Variants in COG2 observed in about 807,000 individuals in gnomAD.
COG2 encodes the protein conserved oligomeric Golgi complex subunit 2.
A neutral mutation model predicts 90.6 loss-of-function variants in COG2; 52 were observed. That is an observed-to-expected ratio of 0.57 (90% CI 0.46 to 0.72). COG2 has a LOEUF of 0.72. Among genes scored for constraint, COG2 ranks in the 30% least tolerant of loss-of-function variants. COG2 has a pLI of 0.00. For missense variants in COG2, 829 were observed against 891.2 expected (o/e 0.93, Z 0.89); for synonymous variants, 337 against 320.4 (o/e 1.05, Z -0.55).
intron 15 of COG2, 112 bp downstream of exon 15, chr1:230,688,674 G>A: frequency 8.3e-7 from 1 of 1,199,114 alleles, no homozygotes; most frequent in Non-Finnish European, 1.2e-6. Context: ...GAGACAGACT[G>A]AGCTCATCCC....
intron 10 of COG2, 62 bp from the exon 11 acceptor site, chr1:230,683,512 G>T (rs1366267618): frequency 3.9e-6 from 5 of 1,277,974 alleles, no homozygotes; most frequent in Admixed American, 3.4e-5. Flanking sequence ...AACAGAGAAT[G>T]GATAGGGAAA....
At chr1:230,668,065 A>T (rs1382318910) in intron 5 of COG2, among the ~76,000 whole-genome samples, 2 of 152,202 alleles carry the variant, frequency 1.3e-5, no homozygotes, top group Non-Finnish European at 2.9e-5. Flanking sequence ...TACTATTTAA[A>T]TTTAAAATAA....
In COG2 at chr1:230,690,007, A is replaced by T. The variant is rs751906459; in HGVS notation, c.1795-7A>T. 1 of 1,575,594 alleles carries T rather than the reference A, an allele frequency of 6.3e-7. No individual in the cohort carries two copies. The highest frequency in any genetic ancestry group is 2.3e-5 in the East Asian group (1 of 43,356). On this transcript the variant is annotated splice_region_variant and splice_polypyrimidine_tract_variant and intron_variant, in intron 15 of 17. Coordinates refer to ENST00000366669, the MANE Select transcript of COG2 (RefSeq NM_007357.3). ...TGCATCTTTATCTCCTACCATCATCATTCCAGGAGGTCCCAACCACAGCTT... is the reference window on the plus strand; with the variant it reads ...TGCATCTTTATCTCCTACCATCATCTTTCCAGGAGGTCCCAACCACAGCTT...
chr1:230,673,557 A>G (rs1336380584), intron 8 of COG2, among the ~76,000 whole-genome samples: 1 of 152,204 alleles, frequency 6.6e-6, no homozygotes, highest in Non-Finnish European at 1.5e-5. Flanking sequence ...TTAGACATTA[A>G]CTTTGGGAAT....
At chr1:230,648,890 A>AT (rs1661849133) in intron 1 of COG2, among the ~76,000 whole-genome samples, 2 of 152,200 alleles carry the variant, frequency 1.3e-5, no homozygotes, top group Admixed American at 1.3e-4. Context: ...AGCTCAAGAA[A>AT]TTAAGTTGAG....
intron 1 of COG2, among the ~76,000 whole-genome samples, chr1:230,657,346 A>G (rs753694862): frequency 1.4e-4 from 21 of 152,200 alleles, no homozygotes; most frequent in Non-Finnish European, 2.8e-4. Flanking sequence ...GCTGGATATG[A>G]AATTCTGGGT....
rs1387430074 is a variant in COG2 at position 230,653,654 on chromosome 1, A to G, written c.73-5810A>G. Among the ~76,000 whole-genome samples, 2 of 94,800 alleles carry G rather than the reference A, an allele frequency of 2.1e-5. 1 individual carries two copies. The highest frequency in any genetic ancestry group is 8.2e-4 in the South Asian group (2 of 2,432). 62.2% of individuals were successfully genotyped at this position (94,800 alleles called of 152,430 possible). A position where few individuals can be genotyped will look rare whatever the true frequency, so the allele number is the denominator to read the frequency against. On this transcript the variant is annotated intron_variant, in intron 1 of 17. Coordinates refer to ENST00000366669, the MANE Select transcript of COG2 (RefSeq NM_007357.3). ...AGTGGGTATCTAATGTTGTGCTGCT[A>G]AAACAGAATACTTGGGACTGGATAA...
intron 6 of COG2, 27 bp from the exon 7 acceptor site, chr1:230,669,329 T>G (rs1374574787): frequency 6.3e-7 from 1 of 1,585,004 alleles, no homozygotes. Flanking sequence ...TAGAGCTTTT[T>G]TTTTATTTAC....
intron 6 of COG2, chr1:230,669,063 T>G: frequency 2.2e-6 from 1 of 453,872 alleles, no homozygotes; most frequent in Non-Finnish European, 3.9e-6. Flanking sequence ...TCCAAAGCCC[T>G]TAATTGGATT....
rs1213801398 is a variant in COG2 at position 230,691,449 on chromosome 1, T to C, written c.2000T>C (p.Leu667Pro). Reference sequence around the variant, plus strand: ...AAGATGGAAGAGAGCCTGAAAAGGCTGAAACAAGCCAGAAAAACCACTCCC... The same window carrying C: ...AAGATGGAAGAGAGCCTGAAAAGGCCGAAACAAGCCAGAAAAACCACTCCC... ...VKKMEESLKRLKQARKTTPAN... is the reference protein window; with the variant it reads ...VKKMEESLKRPKQARKTTPAN... Residue 667 changes from leucine to proline, a missense_variant, in exon 17 of 18, where the codon CTG becomes CCG. Physicochemically the swap from Leu to Pro is moderately conservative, Grantham distance 98. Coordinates refer to ENST00000366669, the MANE Select transcript of COG2 (RefSeq NM_007357.3). 6.2e-7 allele frequency: 1 copy of C among 1,614,108 alleles called. No individual in the cohort carries two copies.
Position 230,690,039 on chromosome 1 carries a change from A to C in COG2, c.1820A>C (p.Tyr607Ser). 6.2e-7 allele frequency: 1 copy of C among 1,609,742 alleles called. No individual in the cohort carries two copies. The highest frequency in any genetic ancestry group is 2.2e-5 in the East Asian group (1 of 44,578). Residue 607 changes from tyrosine to serine, a missense_variant, in exon 16 of 18, where the codon TAT becomes TCT. Transcript: ENST00000366669. ...GAGGTCCCAACCACAGCTTCCTCCT[A>C]TGTGGACAGTGCTCTGAAGCCCTTA... Reference protein sequence around the residue: ...NKEVPTTASSYVDSALKPLFQ... With the variant: ...NKEVPTTASSSVDSALKPLFQ...
chr1:230,647,684 A>G (rs780407609), intron 1 of COG2, among the ~76,000 whole-genome samples: 9 of 152,206 alleles, frequency 5.9e-5, no homozygotes, highest in Non-Finnish European at 1.3e-4. Context: ...CAAAATCTGC[A>G]AATGCTCAAG....
rs758220983 is a variant in COG2 at position 230,693,336 on chromosome 1, A to G, written c.2160A>G (p.Ser720=). 10 of 1,613,782 alleles carry G rather than the reference A, an allele frequency of 6.2e-6. No homozygotes were observed. In the East Asian group the frequency reaches 1.6e-4, roughly 25 times the overall value. Residue 720 remains serine (S), a synonymous_variant, in exon 18 of 18, where the codon TCA becomes TCG. Coordinates refer to ENST00000366669, the MANE Select transcript of COG2 (RefSeq NM_007357.3). The part of the protein sequence containing the change: ...GLQASDIKSF[S]ALAELVAAAK... ...AAGCAAGTGACATAAAAAGCTTCTC[A>G]GCTCTCGCAGAGCTTGTTGCTGCTG...
At chr1:230,684,075 A>G (rs574698151) in intron 11 of COG2, among the ~76,000 whole-genome samples, 2 of 152,256 alleles carry the variant, frequency 1.3e-5, no homozygotes, top group African/African-American at 4.8e-5. Context: ...TACAGGCATG[A>G]GCCACCACAC....
intron 1 of COG2, among the ~76,000 whole-genome samples, chr1:230,645,985 G>A (rs1404781698): frequency 1.3e-5 from 2 of 152,116 alleles, no homozygotes; most frequent in East Asian, 1.9e-4. Flanking sequence ...AGTTGGGGAC[G>A]CTGGTGTAGG....
chr1:230,646,747 C>G (rs756507595), intron 1 of COG2, among the ~76,000 whole-genome samples: 3 of 152,074 alleles, frequency 2.0e-5, no homozygotes, highest in Non-Finnish European at 4.4e-5. Context: ...CTGGTATTAC[C>G]TATCTCAGGT....
chr1:230,682,401 C>T (rs2102768916), intron 10 of COG2: 1 of 152,458 alleles, frequency 6.6e-6, no homozygotes, highest in East Asian at 1.9e-4. Flanking sequence ...TCTCTTATCC[C>T]ACTTTTCCAT....
rs61828618 is a variant in COG2, at chr1:230,689,754, C to T, written c.1795-260C>T. On this transcript the variant is annotated intron_variant, in intron 15 of 17. Transcript: ENST00000366669. Reference sequence around the variant, plus strand: ...AGTGCCCTAGTTTCGGTGCCCTGAGCGGTGGGTGGCTGTGCCAGCCAGCAC... The same window carrying T: ...AGTGCCCTAGTTTCGGTGCCCTGAGTGGTGGGTGGCTGTGCCAGCCAGCAC... Among the ~76,000 whole-genome samples the T allele has an allele frequency of 0.14, 22,018 of 152,232 alleles. 1,815 individuals are homozygous for T. The highest frequency in any genetic ancestry group is 0.19 in the Non-Finnish European group (12,963 of 68,008).
chr1:230,674,258 A>G (rs906621087), intron 8 of COG2, among the ~76,000 whole-genome samples: 1 of 152,362 alleles, frequency 6.6e-6, no homozygotes, highest in Non-Finnish European at 1.5e-5. Flanking sequence ...TATGATCATC[A>G]CCATTTTAAA....
Sources: gnomAD v4.1 joint callset for allele counts (sites outside exome capture counted in the v4.1 genomes callset) on GRCh38, gnomAD v4.1.1 for gene constraint, MANE v1.5 for transcripts, NCBI Gene and HGNC (gene_info 2026-07-23, HGNC 2026-07-21) for gene names.